The following LNP1 variants were observed in gnomAD, a reference collection of about 807,000 sequenced individuals.
LNP1 encodes the protein leukemia NUP98 fusion partner 1.
Under a neutral mutation model 14.5 loss-of-function variants are expected in LNP1, and 12 were observed. The ratio of observed to expected loss-of-function variants is 0.83; its 90% confidence interval spans 0.53 to 1.34. The LOEUF (loss-of-function observed/expected upper bound fraction) is 1.34, where lower values mean the gene tolerates loss of function less well. Ranked by LOEUF, LNP1 falls within the 40% of genes most tolerant of loss-of-function variation. LNP1 has a pLI of 0.00. For synonymous variants in LNP1, 75 were observed against 71.4 expected (o/e 1.05, Z -0.26); for missense variants, 198 against 210.9 (o/e 0.94, Z 0.38).
chr3:100,409,516 G>A lies in LNP1; in HGVS notation c.-34+7077G>A, dbSNP rs1284394612. Among the ~76,000 whole-genome samples the A allele has an allele frequency of 8.0e-5, 12 of 149,626 alleles. No individual in the cohort carries two copies. The South Asian group carries it at 8.6e-4, about 11-fold the overall frequency. ...AAATTAGCTGGGTGTGGTGGTGGGC[G>A]CCTGCAATTCCAGCTCTCTCTCTCT... is the stretch of plus-strand genomic sequence containing the variant. On this transcript the variant is annotated intron_variant, in intron 1 of 3. Coordinates refer to ENST00000383693, the MANE Select transcript of LNP1 (RefSeq NM_001085451.2).
intron 1 of LNP1, 133 bp from the exon 2 acceptor site, chr3:100,429,564 G>A (rs912045222): frequency 2.7e-5 from 17 of 629,436 alleles, no homozygotes; most frequent in African/African-American, 5.5e-5. Context: ...TGGTTGTTTA[G>A]TAAATCTTTC....
At chr3:100,449,937 C>T (rs1707422471) in intron 2 of LNP1, among the ~76,000 whole-genome samples, 1 of 152,122 alleles carries the variant, frequency 6.6e-6, no homozygotes, top group South Asian at 2.1e-4. Context: ...TATCAAACTG[C>T]AATGCGGGGT....
At chr3:100,422,180 GTCT>G (rs1272363456) in intron 1 of LNP1, among the ~76,000 whole-genome samples, 1 of 128,442 alleles carries the variant, frequency 7.8e-6, no homozygotes, top group Non-Finnish European at 1.6e-5. Flanking sequence ...GATTGATAAA[GTCT>G]TTTTTTTTTT....
At chr3:100,437,544 G>A (rs146170919) in intron 2 of LNP1, among the ~76,000 whole-genome samples, 2 of 152,252 alleles carry the variant, frequency 1.3e-5, no homozygotes, top group African/African-American at 4.8e-5. Context: ...TGGTTACTAA[G>A]CTTATCTTTA....
intron 1 of LNP1, among the ~76,000 whole-genome samples, chr3:100,422,789 T>C (rs1428186408): frequency 6.7e-6 from 1 of 149,456 alleles, no homozygotes; most frequent in Non-Finnish European, 1.5e-5. Context: ...AAAACATACC[T>C]TGCTTTGTCT....
intron 1 of LNP1, among the ~76,000 whole-genome samples, chr3:100,407,169 A>G (rs927089955): frequency 2.0e-5 from 3 of 152,214 alleles, no homozygotes; most frequent in African/African-American, 7.2e-5. Flanking sequence ...TTAGCTATGT[A>G]CGTATTTTTG....
At chr3:100,406,707 G>T (rs1706970758) in intron 1 of LNP1, among the ~76,000 whole-genome samples, 1 of 151,936 alleles carries the variant, frequency 6.6e-6, no homozygotes, top group Admixed American at 6.6e-5. Context: ...GCTAATTTTT[G>T]TATTTTTAGT....
At position 100,405,451 on chromosome 3, in the gene LNP1, C is replaced by T. The variant is rs186396387; in HGVS notation, c.-34+3012C>T. On this transcript the variant is annotated intron_variant, in intron 1 of 3. Transcript: ENST00000383693. ...ATCATAAAACTACTTAGCTAATAAA[C>T]TATAGAAATTTATTTCTCACAATTC... is the stretch of plus-strand genomic sequence containing the variant. Among the ~76,000 whole-genome samples the T allele has an allele frequency of 2.5e-3, 379 of 152,260 alleles. 2 individuals are homozygous for T. Among genetic ancestry groups the T allele is most frequent in the Admixed American group, 5.9e-3 (91 of 15,298 alleles).
chr3:100,447,290 T>C (rs1337850708), intron 2 of LNP1, among the ~76,000 whole-genome samples: 1 of 152,186 alleles, frequency 6.6e-6, no homozygotes, highest in Admixed American at 6.5e-5. Context: ...TGAGTTTATG[T>C]CCTTTGCAGG....
intron 2 of LNP1, among the ~76,000 whole-genome samples, chr3:100,430,807 A>T (rs1465019816): frequency 2.0e-5 from 3 of 152,092 alleles, no homozygotes; most frequent in African/African-American, 7.2e-5. Context: ...AACCTCTATT[A>T]CTCCTGGTGA....
Position 100,402,251 on chromosome 3 carries a change from A to G in LNP1, c.-222A>G, listed in dbSNP as rs148572837. Reference sequence around the variant, plus strand: ...AACTATGGTTCTCCATTTCTGGTATACTGGTTTGCAGAAGCCTTACATTAA... The same window carrying G: ...AACTATGGTTCTCCATTTCTGGTATGCTGGTTTGCAGAAGCCTTACATTAA... On this transcript the variant is annotated 5_prime_UTR_variant, in exon 1 of 4. In the 5' UTR this introduces an upstream ATG that the reference lacks. Transcript: ENST00000383693. 1.3e-5 allele frequency: 2 copies of G among 152,358 alleles called. No homozygotes were observed. The highest frequency in any genetic ancestry group is 2.9e-5 in the Non-Finnish European group (2 of 68,038). 9.4% of individuals were successfully genotyped at this position (152,358 alleles called of 1,614,324 possible).
intron 1 of LNP1, among the ~76,000 whole-genome samples, chr3:100,412,179 A>G (rs1422537544): frequency 6.6e-6 from 1 of 152,238 alleles, no homozygotes; most frequent in East Asian, 1.9e-4. Context: ...GAGGATGTGA[A>G]CATGTGTGAA....
At chr3:100,423,947 G>T (rs1248636534) in intron 1 of LNP1, among the ~76,000 whole-genome samples, 1 of 152,152 alleles carries the variant, frequency 6.6e-6, no homozygotes, top group Non-Finnish European at 1.5e-5. Context: ...TCAGGCCAGG[G>T]CTCCCAAGAA....
chr3:100,424,785 A>G (rs1268942561), intron 1 of LNP1, among the ~76,000 whole-genome samples: 1 of 152,214 alleles, frequency 6.6e-6, no homozygotes, highest in African/African-American at 2.4e-5. Flanking sequence ...GGCCTGCTAT[A>G]TTAACCATTT....
intron 1 of LNP1, among the ~76,000 whole-genome samples, chr3:100,412,095 G>C (rs1707036947): frequency 6.6e-6 from 1 of 152,176 alleles, no homozygotes; most frequent in Admixed American, 6.5e-5. Context: ...TGCATGCTGA[G>C]AAGTATGGCG....
intron 2 of LNP1, among the ~76,000 whole-genome samples, chr3:100,445,324 A>T (rs1707377584): frequency 6.6e-6 from 1 of 152,152 alleles, no homozygotes; most frequent in Non-Finnish European, 1.5e-5. Context: ...TAGCCCTTAC[A>T]ATTTCACACA....
Position 100,431,992 on chromosome 3 carries a change from TTATATATATATATATATATATATA to T in LNP1, c.156+2145_156+2168del, listed in dbSNP as rs66513332. Among the ~76,000 whole-genome samples, 163 of 34,706 alleles carry T rather than the reference TTATATATATATATATATATATATA, an allele frequency of 4.7e-3. 2 individuals are homozygous for T. Among genetic ancestry groups the T allele is most frequent in the Non-Finnish European group, 8.2e-3 (110 of 13,354 alleles). 22.8% of individuals were successfully genotyped at this position (34,706 alleles called of 152,430 possible). A position where few individuals can be genotyped will look rare whatever the true frequency, so the allele number is the denominator to read the frequency against. On this transcript the variant is annotated intron_variant, in intron 2 of 3. Coordinates refer to ENST00000383693, the MANE Select transcript of LNP1 (RefSeq NM_001085451.2). ...CCTGGGTAACAGAATGAGACCTTGTTTATATATATATATATATATATATATATATATATATATATATATATATAT... is the reference window on the plus strand; with the variant it reads ...CCTGGGTAACAGAATGAGACCTTGTTTATATATATATATATATATATATAT...
chr3:100,414,568 C>T (rs1401948175), intron 1 of LNP1, among the ~76,000 whole-genome samples: 1 of 151,294 alleles, frequency 6.6e-6, no homozygotes, highest in East Asian at 1.9e-4. Context: ...AAAAGTTAAT[C>T]AAAGGGCAGA....
At chr3:100,411,980 GA>G (rs1169941419) in intron 1 of LNP1, among the ~76,000 whole-genome samples, 1 of 152,114 alleles carries the variant, frequency 6.6e-6, no homozygotes, top group Non-Finnish European at 1.5e-5. Flanking sequence ...AGGTATCAAA[GA>G]AGGAAAAAGT....
Sources: gnomAD v4.1 joint callset for allele counts (sites outside exome capture counted in the v4.1 genomes callset) on GRCh38, gnomAD v4.1.1 for gene constraint, MANE v1.5 for transcripts, NCBI Gene and HGNC (gene_info 2026-07-23, HGNC 2026-07-21) for gene names.